IL13RA1: variants seen among roughly 807,000 people sequenced by gnomAD.
IL13RA1 encodes interleukin-13 receptor subunit alpha-1.
In IL13RA1, 14 loss-of-function variants were observed where a neutral mutation model predicts 33.8. The ratio of observed to expected loss-of-function variants is 0.41; its 90% CI spans 0.27 to 0.65. The LOEUF (loss-of-function observed/expected upper bound fraction) is 0.65, where lower values mean the gene tolerates loss of function less well. Among genes scored for constraint, IL13RA1 ranks in the 30% least tolerant of loss-of-function variants. IL13RA1 has a pLI of 0.28. For missense variants in IL13RA1, 313 were observed against 327.0 expected (o/e 0.96, Z 0.33); for synonymous variants, 116 against 115.7 (o/e 1.00, Z -0.02).
At position 118,793,396 on chromosome X, in the gene IL13RA1, A is replaced by T. The variant is rs73595429; in HGVS notation, c.*1542A>T. 1.3e-4 allele frequency: 15 copies of T among 112,199 alleles called. No individual in the cohort carries two copies. Among genetic ancestry groups the T allele is most frequent in the African/African-American group, 4.9e-4 (15 of 30,893 alleles). The allele number at this position is 112,199 out of a possible 1,213,427, so 9.2% of individuals were successfully genotyped here. On this transcript the variant is annotated 3_prime_UTR_variant, in exon 11 of 11. Transcript: ENST00000371666. ...TCTTTCTTTACAAGATGGGTCCAGG[A>T]TTCCTCTTTTCTCTGCCATAAATGA...
intron 1 of IL13RA1, among the ~76,000 whole-genome samples, chrX:118,734,173 G>A (rs2017255378): frequency 8.9e-6 from 1 of 112,086 alleles, no homozygotes; most frequent in Non-Finnish European, 1.9e-5. Context: ...TTTTGATAAG[G>A]ATTGAATTGA....
At chrX:118,801,275 CTT>C in the IL13RA1 span, among the ~76,000 whole-genome samples, 4 of 112,099 alleles carry the variant, frequency 3.6e-5, no homozygotes, top group Non-Finnish European at 7.5e-5. Flanking sequence ...CTACATGTAA[CTT>C]TTATCTGCAA....
chrX:118,770,642 A>G (rs768173390), intron 8 of IL13RA1: 3 of 409,602 alleles, frequency 7.3e-6, no homozygotes, highest in East Asian at 1.3e-4. Context: ...CGGTGTGTCT[A>G]CTGTGTCAAC....
chrX:118,741,210 G>A (rs1352602468), intron 2 of IL13RA1, 54 bp downstream of exon 2: 3 of 820,981 alleles, frequency 3.7e-6, no homozygotes, highest in Non-Finnish European at 5.4e-6. Context: ...ACTATGAATT[G>A]GAGCCAAGAA....
chrX:118,786,497 A>G (rs1050442309), intron 10 of IL13RA1, among the ~76,000 whole-genome samples: 2 of 112,109 alleles, frequency 1.8e-5, no homozygotes, highest in African/African-American at 6.5e-5. Flanking sequence ...GGCCTCCCAA[A>G]GTGCTGGGAT....
At chrX:118,754,569 G>A (rs764856012) in intron 4 of IL13RA1, among the ~76,000 whole-genome samples, 3 of 109,273 alleles carry the variant, frequency 2.7e-5, no homozygotes, top group South Asian at 4.1e-4. Context: ...CCCGGGAGGC[G>A]GAGCTTGCAG....
intron 2 of IL13RA1, among the ~76,000 whole-genome samples, chrX:118,743,688 G>A (rs139074243): frequency 2.4e-4 from 27 of 111,948 alleles, no homozygotes; most frequent in Admixed American, 2.1e-3. Flanking sequence ...GTGAACATTG[G>A]TCTGGGGAGA....
intron 4 of IL13RA1, among the ~76,000 whole-genome samples, chrX:118,751,087 G>T (rs2017465332): frequency 8.9e-6 from 1 of 112,147 alleles, no homozygotes; most frequent in Non-Finnish European, 1.9e-5. Flanking sequence ...GATTACAGGT[G>T]TGAGCCACCA....
At chrX:118,804,656 A>T in the IL13RA1 span, among the ~76,000 whole-genome samples, 121 of 112,136 alleles carry the variant, frequency 1.1e-3, 1 homozygote, top group Non-Finnish European at 2.0e-3. Context: ...AAGGTGGAAA[A>T]ATAGGCTTAT....
intron 6 of IL13RA1, among the ~76,000 whole-genome samples, chrX:118,762,038 C>T (rs978356546): frequency 3.6e-5 from 4 of 112,329 alleles, no homozygotes; most frequent in Non-Finnish European, 7.5e-5. Flanking sequence ...CTAAAGTAAT[C>T]AGATTTGAGT....
At chrX:118,756,678 G>A (rs2017533744) in intron 4 of IL13RA1, among the ~76,000 whole-genome samples, 1 of 111,604 alleles carries the variant, frequency 9.0e-6, no homozygotes, top group African/African-American at 3.3e-5. Context: ...AGAATTTGGT[G>A]ATAGAATACA....
chrX:118,756,365 G>T (rs2017530242), intron 4 of IL13RA1, among the ~76,000 whole-genome samples: 1 of 111,810 alleles, frequency 8.9e-6, no homozygotes, highest in African/African-American at 3.3e-5. Flanking sequence ...TGCCTGCGCT[G>T]GGCTAGGTGC....
At chrX:118,731,990 A>G (rs988398963) in intron 1 of IL13RA1, among the ~76,000 whole-genome samples, 1 of 112,348 alleles carries the variant, frequency 8.9e-6, no homozygotes, top group African/African-American at 3.2e-5. Flanking sequence ...ATTTGTATAT[A>G]TTTAAACATT....
At chrX:118,784,336 G>T (rs1201181173) in intron 10 of IL13RA1, among the ~76,000 whole-genome samples, 1 of 107,510 alleles carries the variant, frequency 9.3e-6, no homozygotes, top group East Asian at 2.9e-4. Flanking sequence ...GATAAATGGA[G>T]TAATAGCAAC....
Position 118,776,429 on chromosome X carries a change from TC to T in IL13RA1, c.1110del (p.Lys371ArgfsTer46). On this transcript the variant is annotated frameshift_variant, in exon 10 of 11. Coordinates refer to ENST00000371666, the MANE Select transcript of IL13RA1 (RefSeq NM_001560.3). LOFTEE classifies it high-confidence loss of function. Reference sequence around the variant, plus strand: ...CAAATGTCTCTGTTTTCTTAAAGGCTCAAGATTATTATATTCCCTCCAATTC... The same window carrying T: ...CAAATGTCTCTGTTTTCTTAAAGGCTAAGATTATTATATTCCCTCCAATTC... ...IIVLLLYLKRLKIIIFPPIPD... is the reference protein window; with the variant it reads ...IIVLLLYLKRXKIIIFPPIPD... 1 of 921,112 alleles carries T rather than the reference TC, an allele frequency of 1.1e-6. No individual in the cohort carries two copies. The highest frequency in any genetic ancestry group is 2.0e-5 in the South Asian group (1 of 49,237). The allele number at this position is 921,112 out of a possible 1,213,427, so 75.9% of individuals were successfully genotyped here. A position where few individuals can be genotyped will look rare whatever the true frequency, so the allele number is the denominator to read the frequency against.
chrX:118,755,704 C>T lies in IL13RA1; in HGVS notation c.489-2351C>T, dbSNP rs62608689. Among the ~76,000 whole-genome samples, 933 of 112,039 alleles carry T rather than the reference C, an allele frequency of 8.3e-3. 4 individuals are homozygous for T. Among genetic ancestry groups the T allele is most frequent in the African/African-American group, 0.013 (388 of 30,868 alleles). On this transcript the variant is annotated intron_variant, in intron 4 of 10. Coordinates refer to ENST00000371666, the MANE Select transcript of IL13RA1 (RefSeq NM_001560.3). ...AAAGGGATCAAGAAGATTGTGCATT[C>T]GAGGAGTTCCTTTCATCATTAAAAA...
At chrX:118,728,077 G>T (rs1302622509) in intron 1 of IL13RA1, among the ~76,000 whole-genome samples, 1 of 112,749 alleles carries the variant, frequency 8.9e-6, no homozygotes, top group Non-Finnish European at 1.9e-5. Context: ...ACATGCCCAC[G>T]GCGTCAGAGG....
intron 1 of IL13RA1, among the ~76,000 whole-genome samples, chrX:118,740,590 C>T (rs1603208043): frequency 1.8e-5 from 2 of 111,579 alleles, no homozygotes; most frequent in Non-Finnish European, 3.8e-5. Context: ...CTCAGGAGTT[C>T]GAGACCAGCC....
At chrX:118,764,405 T>G (rs1406648295) in intron 6 of IL13RA1, among the ~76,000 whole-genome samples, 1 of 110,206 alleles carries the variant, frequency 9.1e-6, no homozygotes, top group East Asian at 2.9e-4. Flanking sequence ...TCACTGGTAG[T>G]TGACGCTTGT....
Sources: allele counts gnomAD v4.1 joint callset (sites outside exome capture counted in the v4.1 genomes callset), GRCh38; gene constraint gnomAD v4.1.1; transcripts MANE v1.5; gene names NCBI Gene and HGNC (gene_info 2026-07-23, HGNC 2026-07-21).